ALK: variants seen among roughly 807,000 people sequenced by gnomAD.
The protein encoded by ALK is ALK tyrosine kinase receptor.
A neutral mutation model predicts 163.1 loss-of-function variants in ALK; 74 were observed. The observed-to-expected ratio is 0.45, with a 90% CI of 0.38 to 0.55. The LOEUF (loss-of-function observed/expected upper bound fraction) is 0.55. ALK is among the 20% of genes least tolerant of loss of function. The pLI is 0.00. For synonymous variants in ALK, 960 were observed against 843.2 expected (o/e 1.14, Z -2.40); for missense variants, 2,063 against 2,105.3 (o/e 0.98, Z 0.39).
chr2:29,755,700 C>A (rs957661535), intron 1 of ALK, among the ~76,000 whole-genome samples: 3 of 152,102 alleles, frequency 2.0e-5, no homozygotes, highest in African/African-American at 7.2e-5. Context: ...GTACCCACCT[C>A]CCCATTTTGT....
chr2:29,327,258 A>T (rs1667293023), intron 6 of ALK, among the ~76,000 whole-genome samples: 1 of 152,276 alleles, frequency 6.6e-6, no homozygotes, highest in African/African-American at 2.4e-5. Flanking sequence ...TTCCCAACTC[A>T]TTCTTTCCTC....
chr2:29,346,938 CA>C (rs1227511166), intron 5 of ALK, among the ~76,000 whole-genome samples: 1 of 152,216 alleles, frequency 6.6e-6, no homozygotes, highest in African/African-American at 2.4e-5. Flanking sequence ...GGGACAGTTT[CA>C]CGCATAAATC....
At chr2:29,877,347 C>T (rs1443469538) in intron 1 of ALK, among the ~76,000 whole-genome samples, 5 of 152,118 alleles carry the variant, frequency 3.3e-5, no homozygotes, top group Non-Finnish European at 7.4e-5. Flanking sequence ...GTCATAGAGG[C>T]CTTCCCTGTC....
chr2:29,800,022 G>C (rs1664424785), intron 1 of ALK, among the ~76,000 whole-genome samples: 1 of 152,212 alleles, frequency 6.6e-6, no homozygotes, highest in East Asian at 1.9e-4. Context: ...AAGTAGGGGA[G>C]GTGAACATGC....
chr2:29,200,224 C>G (rs888134957), intron 26 of ALK, among the ~76,000 whole-genome samples: 2 of 152,060 alleles, frequency 1.3e-5, no homozygotes, highest in Admixed American at 1.3e-4. Flanking sequence ...ACTAACTAGG[C>G]AAAATCAAAT....
At chr2:29,409,454 A>G (rs1050643603) in intron 4 of ALK, among the ~76,000 whole-genome samples, 21 of 152,014 alleles carry the variant, frequency 1.4e-4, no homozygotes, top group Admixed American at 1.4e-3. Context: ...GTTTCCTGCC[A>G]CTCGGAACCA....
chr2:29,557,582 C>A (rs1024505312), intron 3 of ALK, among the ~76,000 whole-genome samples: 1 of 152,098 alleles, frequency 6.6e-6, no homozygotes, highest in African/African-American at 2.4e-5. Context: ...AAGGGTCCTA[C>A]ATGAATGCAT....
At chr2:29,586,232 G>A (rs866463348) in intron 3 of ALK, among the ~76,000 whole-genome samples, 1 of 143,464 alleles carries the variant, frequency 7.0e-6, no homozygotes, top group East Asian at 2.1e-4. Flanking sequence ...TTTTGGGGGG[G>A]ATATTAACAT....
At chr2:29,284,345 T>C (rs917194740) in intron 9 of ALK, among the ~76,000 whole-genome samples, 1 of 152,144 alleles carries the variant, frequency 6.6e-6, no homozygotes, top group Non-Finnish European at 1.5e-5. Flanking sequence ...TAGATAGAAC[T>C]GGATTCTTTG....
At chr2:29,842,832 C>A (rs764739022) in intron 1 of ALK, among the ~76,000 whole-genome samples, 4 of 152,214 alleles carry the variant, frequency 2.6e-5, no homozygotes, top group Admixed American at 2.6e-4. Flanking sequence ...GTTCCACCAA[C>A]ATTCCTCTCT....
intron 1 of ALK, among the ~76,000 whole-genome samples, chr2:29,900,553 T>G (rs1471316469): frequency 4.6e-5 from 7 of 152,202 alleles, no homozygotes; most frequent in Non-Finnish European, 1.0e-4. Flanking sequence ...TCAAAATAAT[T>G]TTTTCTGGCA....
chr2:29,409,359 TCA>T (rs893249918), intron 4 of ALK, among the ~76,000 whole-genome samples: 1 of 152,194 alleles, frequency 6.6e-6, no homozygotes, highest in African/African-American at 2.4e-5. Flanking sequence ...TTGTTCATTC[TCA>T]CAGTCTCAGT....
chr2:29,414,568 C>T (rs1166621689), intron 4 of ALK, among the ~76,000 whole-genome samples: 8 of 152,198 alleles, frequency 5.3e-5, no homozygotes, highest in Non-Finnish European at 1.0e-4. Flanking sequence ...TAAAAGACCC[C>T]TTGCTCCCAG....
intron 5 of ALK, among the ~76,000 whole-genome samples, chr2:29,336,492 C>A (rs1467964902): frequency 6.6e-6 from 1 of 152,218 alleles, no homozygotes; most frequent in Non-Finnish European, 1.5e-5. Context: ...CCATTTATCT[C>A]CTCTCTGGAT....
chr2:29,568,148 G>C (rs1017662298), intron 3 of ALK, among the ~76,000 whole-genome samples: 5 of 152,222 alleles, frequency 3.3e-5, no homozygotes, highest in African/African-American at 7.2e-5. Context: ...GGGAGCAGCA[G>C]GGCCCCCGCC....
At chr2:29,651,368 A>AAC (rs1299067000) in intron 3 of ALK, among the ~76,000 whole-genome samples, 4 of 152,046 alleles carry the variant, frequency 2.6e-5, no homozygotes, top group Non-Finnish European at 4.4e-5. Context: ...TGTTTTAACT[A>AAC]ACACACACAC....
chr2:29,276,792 G>A (rs1433850125), intron 9 of ALK, among the ~76,000 whole-genome samples: 3 of 152,166 alleles, frequency 2.0e-5, no homozygotes, highest in Non-Finnish European at 4.4e-5. Flanking sequence ...GTAAATCTGT[G>A]GGGCCAGAAA....
Position 29,820,597 on chromosome 2 carries a change from G to A in ALK, c.667+99396C>T, listed in dbSNP as rs149331779. On this transcript the variant is annotated intron_variant, in intron 1 of 28. Transcript: ENST00000389048. ...AATGTACAAAACTGAAAGAGGATAG[G>A]GATCCAGCTGAAAAAGAAGCACGTC... Among the ~76,000 whole-genome samples the A allele has an allele frequency of 1.1e-3, 164 of 152,242 alleles. 1 individual carries two copies. Among genetic ancestry groups the A allele is most frequent in the African/African-American group, 3.7e-3 (154 of 41,558 alleles).
chr2:29,308,229 T>C (rs1477969724), intron 8 of ALK, among the ~76,000 whole-genome samples: 1 of 152,204 alleles, frequency 6.6e-6, no homozygotes, highest in Non-Finnish European at 1.5e-5. Context: ...AGACACAGGA[T>C]GTTTATATTT....
Sources: allele counts gnomAD v4.1 joint callset (sites outside exome capture counted in the v4.1 genomes callset), GRCh38; gene constraint gnomAD v4.1.1; transcripts MANE v1.5; gene names NCBI Gene and HGNC (gene_info 2026-07-23, HGNC 2026-07-21).